Variants in POLA1 observed in about 807,000 individuals in gnomAD.
POLA1 encodes DNA polymerase alpha catalytic subunit.
In POLA1, 15 loss-of-function variants were observed where a neutral mutation model predicts 124.0. That is an observed-to-expected ratio of 0.12 (90% CI 0.08 to 0.19). The LOEUF (loss-of-function observed/expected upper bound fraction) is 0.19, where lower values mean the gene tolerates loss of function less well. POLA1 is among the 10% of genes least tolerant of loss of function. The pLI, the probability that POLA1 is intolerant of heterozygous loss-of-function variation, is 1.00. For synonymous variants in POLA1, 408 were observed against 389.4 expected, an observed-to-expected ratio of 1.05 and a Z score of -0.56; for missense variants, 886 against 1,103.4, an observed-to-expected ratio of 0.80 and a Z score of 2.79.
At chrX:24,922,327 C>T (rs1375735139) in intron 35 of POLA1, among the ~76,000 whole-genome samples, 2 of 110,142 alleles carry the variant, frequency 1.8e-5, no homozygotes, top group Non-Finnish European at 3.8e-5. Context: ...ACCTCTCCCC[C>T]GCCCACCTTG....
At chrX:24,800,945 C>G (rs182011062) in intron 26 of POLA1, among the ~76,000 whole-genome samples, 1 of 111,868 alleles carries the variant, frequency 8.9e-6, no homozygotes, top group Admixed American at 9.5e-5. Flanking sequence ...TTAAATTTGT[C>G]TTTTTGGGAG....
intron 36 of POLA1, among the ~76,000 whole-genome samples, chrX:24,960,095 A>G (rs1001878823): frequency 9.0e-6 from 1 of 111,440 alleles, no homozygotes; most frequent in Non-Finnish European, 1.9e-5. Context: ...TGTGCTGTCC[A>G]CAGTGTCCGG....
At chrX:24,894,459 T>C (rs1189838607) in intron 35 of POLA1, among the ~76,000 whole-genome samples, 3 of 112,505 alleles carry the variant, frequency 2.7e-5, no homozygotes, top group Non-Finnish European at 5.6e-5. Flanking sequence ...TACTACAAAC[T>C]AGGTGACTTA....
At chrX:24,750,219 G>A (rs1390678400) in intron 26 of POLA1, among the ~76,000 whole-genome samples, 1 of 111,925 alleles carries the variant, frequency 8.9e-6, no homozygotes, top group Non-Finnish European at 1.9e-5. Flanking sequence ...TTTACTCTCT[G>A]GTCTTTTTTA....
intron 1 of POLA1, among the ~76,000 whole-genome samples, chrX:24,697,742 G>T (rs1020690870): frequency 9.0e-6 from 1 of 110,784 alleles, no homozygotes; most frequent in African/African-American, 3.3e-5. Context: ...TGGAGTTTTA[G>T]GCTGCCTCTT....
chrX:24,941,202 G>T (rs1270308179), intron 36 of POLA1, among the ~76,000 whole-genome samples: 1 of 111,300 alleles, frequency 9.0e-6, no homozygotes, highest in Non-Finnish European at 1.9e-5. Context: ...TTTTGTTTTG[G>T]TGGTTGGTAT....
intron 34 of POLA1, among the ~76,000 whole-genome samples, chrX:24,856,574 T>C (rs2046648450): frequency 8.9e-6 from 1 of 112,228 alleles, no homozygotes; most frequent in African/African-American, 3.2e-5. Context: ...ATTGCCAAAC[T>C]ATTTTTCAGA....
chrX:24,832,609 T>G (rs1345854183), intron 32 of POLA1, among the ~76,000 whole-genome samples: 2 of 112,314 alleles, frequency 1.8e-5, no homozygotes, highest in Non-Finnish European at 3.8e-5. Context: ...TTTAAAAAGA[T>G]AAAATTGTTT....
chrX:24,819,316 A>C (rs1273182314), intron 30 of POLA1, among the ~76,000 whole-genome samples: 1 of 111,996 alleles, frequency 8.9e-6, no homozygotes, highest in Admixed American at 9.5e-5. Context: ...CTAAAATTCT[A>C]ATTTGCACTT....
chrX:24,695,332 A>C (rs1342772612), intron 1 of POLA1, among the ~76,000 whole-genome samples: 1 of 110,949 alleles, frequency 9.0e-6, no homozygotes, highest in Non-Finnish European at 1.9e-5. Context: ...TACCTACGTG[A>C]AGCATTGGAG....
chrX:24,782,919 A>G (rs1223204001), intron 26 of POLA1, among the ~76,000 whole-genome samples: 3 of 110,729 alleles, frequency 2.7e-5, no homozygotes, highest in Non-Finnish European at 5.7e-5. Context: ...CCAAGCATAC[A>G]TGTTTGATTT....
intron 26 of POLA1, among the ~76,000 whole-genome samples, chrX:24,778,979 G>C (rs1473852679): frequency 8.9e-6 from 1 of 112,140 alleles, no homozygotes; most frequent in East Asian, 2.8e-4. Flanking sequence ...AGATGAAGTA[G>C]TCTGCTATAA....
At chrX:24,881,960 G>A (rs1475862650) in intron 34 of POLA1, among the ~76,000 whole-genome samples, 1 of 111,538 alleles carries the variant, frequency 9.0e-6, no homozygotes, top group South Asian at 3.8e-4. Context: ...GGATTTGAAA[G>A]CCAGGCCAAT....
At chrX:24,708,715 T>G in intron 4 of POLA1, among the ~76,000 whole-genome samples, 1 of 62,641 alleles carries the variant, frequency 1.6e-5, no homozygotes, top group Non-Finnish European at 3.2e-5. Context: ...AGGTCACAGA[T>G]CAACAGGATC....
At chrX:24,712,566 A>G (rs1411734261) in intron 4 of POLA1, among the ~76,000 whole-genome samples, 1 of 109,647 alleles carries the variant, frequency 9.1e-6, no homozygotes, top group Non-Finnish European at 1.9e-5. Context: ...TTTTTTCTTC[A>G]TTTTTCTTTT....
At chrX:24,871,229 C>T (rs2046859101) in intron 34 of POLA1, among the ~76,000 whole-genome samples, 1 of 112,054 alleles carries the variant, frequency 8.9e-6, no homozygotes, top group African/African-American at 3.2e-5. Context: ...AAATACATGC[C>T]CATTTATCAC....
intron 36 of POLA1, among the ~76,000 whole-genome samples, chrX:24,958,877 A>G (rs1280329309): frequency 9.0e-6 from 1 of 111,170 alleles, no homozygotes; most frequent in Non-Finnish European, 1.9e-5. Flanking sequence ...TCTCATCTGT[A>G]CCCTACACAC....
chrX:24,807,403 A>G (rs768545574), intron 26 of POLA1, among the ~76,000 whole-genome samples: 3 of 112,161 alleles, frequency 2.7e-5, no homozygotes, highest in South Asian at 7.5e-4. Context: ...ACTGTGATTA[A>G]TTTGCCTTGG....
chrX:24,977,677 A>T lies in POLA1; in HGVS notation c.4262-18128A>T, dbSNP rs1168375483. On this transcript the variant is annotated intron_variant, in intron 36 of 36. Transcript: ENST00000379068. Reference sequence around the variant, plus strand: ...TTATGTTTTAATTTCTAAGAACTAGAATTTTCTTGTTTTTGCAGTGTTCCT... The same window carrying T: ...TTATGTTTTAATTTCTAAGAACTAGTATTTTCTTGTTTTTGCAGTGTTCCT... Among the ~76,000 whole-genome samples the T allele has an allele frequency of 2.7e-5, 3 of 111,955 alleles. No homozygotes were observed. In the East Asian group the frequency reaches 8.4e-4, roughly 31 times the overall value.
Sources: allele counts gnomAD v4.1 joint callset (sites outside exome capture counted in the v4.1 genomes callset), GRCh38; gene constraint gnomAD v4.1.1; transcripts MANE v1.5; gene names NCBI Gene and HGNC (gene_info 2026-07-23, HGNC 2026-07-21).